Variants in CRYBA1 observed in about 807,000 individuals in gnomAD.
CRYBA1 encodes beta-crystallin A3.
In CRYBA1, 25 loss-of-function variants were observed where a neutral mutation model predicts 36.2. The ratio of observed to expected loss-of-function variants is 0.69; its 90% CI spans 0.50 to 0.97. The LOEUF is 0.97. CRYBA1 is among the 50% of genes least tolerant of loss of function. The probability of loss-of-function intolerance (pLI) is 0.00; values close to 1 mark genes in which losing one functional copy is unlikely to be tolerated. For missense variants in CRYBA1, 224 were observed against 276.3 expected (o/e 0.81, Z 1.34); for synonymous variants, 111 against 90.0 (o/e 1.23, Z -1.32).
intron 1 of CRYBA1, 89 bp downstream of exon 1, chr17:29,246,983 G>A (rs2153009296): frequency 7.2e-7 from 1 of 1,395,676 alleles, no homozygotes; most frequent in East Asian, 2.5e-5. Flanking sequence ...CCTGCCTAGT[G>A]TGTAGAGCCT....
At chr17:29,248,886 T>C (rs2068917788) in intron 1 of CRYBA1, among the ~76,000 whole-genome samples, 1 of 151,942 alleles carries the variant, frequency 6.6e-6, no homozygotes, top group South Asian at 2.1e-4. Context: ...AAGGATCACT[T>C]GAGCCCAGGA....
In CRYBA1 at chr17:29,253,720, C is replaced by T. The variant is rs774272731; in HGVS notation, c.438C>T (p.Pro146=). 1.9e-6 allele frequency: 3 copies of T among 1,614,118 alleles called. No homozygotes were observed. The highest frequency in any genetic ancestry group is 1.7e-6 in the Non-Finnish European group (2 of 1,180,006). ...AGTGGGAGATCTCTGACGACTACCC[C>T]TCCTTGCAAGCCATGGGCTGGTTCA... ...GRQWEISDDY[P]SLQAMGWFNN... Residue 146 remains proline (P), a synonymous_variant, in exon 5 of 6, where the codon CCC becomes CCT. Coordinates refer to ENST00000225387, the MANE Select transcript of CRYBA1 (RefSeq NM_005208.5).
chr17:29,247,478 C>T lies in CRYBA1; in HGVS notation c.31+584C>T, dbSNP rs554953787. 3.3e-5 allele frequency among the ~76,000 whole-genome samples: 5 copies of T among 152,322 alleles called. No homozygotes were observed. In the East Asian group the frequency reaches 9.6e-4, roughly 29 times the overall value. On this transcript the variant is annotated intron_variant, in intron 1 of 5. Coordinates refer to ENST00000225387, the MANE Select transcript of CRYBA1 (RefSeq NM_005208.5). ...ATAGTCTGTATGTGAAGATTAAATG[C>T]ATGAATGCATGTAAAGCATTTAAAA...
chr17:29,248,326 A>C lies in CRYBA1; in HGVS notation c.32-816A>C, dbSNP rs1398524973. On this transcript the variant is annotated intron_variant, in intron 1 of 5. Transcript: ENST00000225387. ...AAAGCAAGTGAGAGGACAGGGTCTC[A>C]GTGCTTTACCTGCATTATTGTTTCT... Among the ~76,000 whole-genome samples the C allele has an allele frequency of 2.0e-5, 3 of 151,474 alleles. No homozygotes were observed. The East Asian group carries it at 5.9e-4, about 30-fold the overall frequency.
chr17:29,247,643 C>A (rs562291474), intron 1 of CRYBA1, among the ~76,000 whole-genome samples: 1 of 152,220 alleles, frequency 6.6e-6, no homozygotes, highest in Non-Finnish European at 1.5e-5. Flanking sequence ...TATACCAATC[C>A]CCTAGAAGAC....
chr17:29,248,929 C>G (rs1161564583), intron 1 of CRYBA1, among the ~76,000 whole-genome samples: 2 of 152,098 alleles, frequency 1.3e-5, no homozygotes, highest in Non-Finnish European at 1.5e-5. Context: ...GATTGTGCCA[C>G]TGCACTCCAG....
intron 3 of CRYBA1, among the ~76,000 whole-genome samples, chr17:29,251,033 T>A (rs1158088322): frequency 6.6e-6 from 1 of 152,222 alleles, no homozygotes; most frequent in African/African-American, 2.4e-5. Flanking sequence ...CTTTAAGGTG[T>A]CATCACTAAC....
intron 4 of CRYBA1, among the ~76,000 whole-genome samples, chr17:29,253,210 T>C (rs2068946618): frequency 6.6e-6 from 1 of 152,236 alleles, no homozygotes; most frequent in Non-Finnish European, 1.5e-5. Flanking sequence ...CTCTGTCTTT[T>C]TAATGCTTGT....
rs746898014 is a variant in CRYBA1 at position 29,249,176 on chromosome 17, C to T, written c.66C>T (p.Asn22=). Residue 22 remains asparagine, a synonymous_variant, in exon 2 of 6, where the codon AAC becomes AAT. Coordinates refer to ENST00000225387, the MANE Select transcript of CRYBA1 (RefSeq NM_005208.5). ...TLPTTKMAQT[N]PTPGSLGPWK... Reference sequence around the variant, plus strand: ...CAACCACCAAGATGGCTCAGACCAACCCTACGCCGGGGTCCCTGGGGCCAT... The same window carrying T: ...CAACCACCAAGATGGCTCAGACCAATCCTACGCCGGGGTCCCTGGGGCCAT... 2 of 1,613,440 alleles carry T rather than the reference C, an allele frequency of 1.2e-6. No individual in the cohort carries two copies. Among genetic ancestry groups the T allele is most frequent in the Admixed American group, 1.7e-5 (1 of 60,022 alleles).
chr17:29,254,270 G>T lies in CRYBA1; in HGVS notation c.569G>T (p.Gly190Val). The change falls in exon 6 of 6, where the codon GGA becomes GTA. Residue 190 changes from glycine (G) to valine (V), a missense_variant. Coordinates refer to ENST00000225387, the MANE Select transcript of CRYBA1 (RefSeq NM_005208.5). ...QYILECDHHGGDYKHWREWGS... is the reference protein window; with the variant it reads ...QYILECDHHGVDYKHWREWGS... ...ATCTTGGAATGTGACCATCATGGAGGAGACTATAAACATTGGAGAGAGTGG... is the reference window on the plus strand; with the variant it reads ...ATCTTGGAATGTGACCATCATGGAGTAGACTATAAACATTGGAGAGAGTGG... The T allele has an allele frequency of 6.2e-7, 1 of 1,614,098 alleles. No individual in the cohort carries two copies.
chr17:29,250,161 C>T (rs763119092), intron 2 of CRYBA1, 21 bp from the exon 3 acceptor site: 40 of 1,310,228 alleles, frequency 3.1e-5, no homozygotes, highest in East Asian at 2.5e-4. Context: ...AGCTCTCTTG[C>T]GCCATTCAAT....
At chr17:29,250,129 C>A in intron 2 of CRYBA1, 53 bp from the exon 3 acceptor site, 1 of 1,001,566 alleles carries the variant, frequency 1.0e-6, no homozygotes, top group Non-Finnish European at 1.6e-6. Context: ...TTGACCTGGA[C>A]CTCTGTTTTT....
chr17:29,252,255 G>A (rs929172156), intron 4 of CRYBA1, 50 bp downstream of exon 4: 1 of 1,610,744 alleles, frequency 6.2e-7, no homozygotes, highest in African/African-American at 1.3e-5. Flanking sequence ...TGGGACAAGA[G>A]GGTGTGGACA....
chr17:29,254,057 T>C, intron 5 of CRYBA1, 145 bp from the exon 6 acceptor site: 1 of 922,384 alleles, frequency 1.1e-6, no homozygotes, highest in Non-Finnish European at 1.7e-6. Context: ...TGCTTACAAA[T>C]AGTGCCTGAC....
At chr17:29,252,422 C>A (rs1598425560) in intron 4 of CRYBA1, among the ~76,000 whole-genome samples, 1 of 152,190 alleles carries the variant, frequency 6.6e-6, no homozygotes, top group Non-Finnish European at 1.5e-5. Flanking sequence ...AAGGGTCTTA[C>A]AAGTGGCAAT....
At chr17:29,250,550 C>G (rs577775210) in intron 3 of CRYBA1, among the ~76,000 whole-genome samples, 23 of 152,220 alleles carry the variant, frequency 1.5e-4, no homozygotes, top group Middle Eastern at 6.8e-3. Context: ...TGGGGTGGGA[C>G]AGTGGCAGTA....
At chr17:29,248,612 G>A (rs566810343) in intron 1 of CRYBA1, among the ~76,000 whole-genome samples, 49 of 149,530 alleles carry the variant, frequency 3.3e-4, no homozygotes, top group East Asian at 1.5e-3. Flanking sequence ...TGATCCGCCC[G>A]CTTTGGCCTC....
chr17:29,248,839 A>G (rs1269582560), intron 1 of CRYBA1, among the ~76,000 whole-genome samples: 1 of 152,020 alleles, frequency 6.6e-6, no homozygotes, highest in African/African-American at 2.4e-5. Flanking sequence ...ATAGTGGTGC[A>G]TGCCTGTAGT....
At chr17:29,249,260 C>T in intron 2 of CRYBA1, 54 bp downstream of exon 2, 1 of 1,215,492 alleles carries the variant, frequency 8.2e-7, no homozygotes, top group Non-Finnish European at 1.2e-6. Context: ...CTGCACAGAG[C>T]AGGCCCCAGG....
Sources: allele counts gnomAD v4.1 joint callset (sites outside exome capture counted in the v4.1 genomes callset), GRCh38; gene constraint gnomAD v4.1.1; transcripts MANE v1.5; gene names NCBI Gene and HGNC (gene_info 2026-07-23, HGNC 2026-07-21).